Variants in DPH5 observed in about 807,000 individuals in gnomAD.
DPH5 encodes diphthamide biosynthesis 5, also known as diphthine methyl ester synthase.
A neutral mutation model predicts 31.6 loss-of-function variants in DPH5; 31 were observed. The observed-to-expected ratio is 0.98, with a 90% CI of 0.74 to 1.32. The LOEUF is 1.32. Ranked by LOEUF, DPH5 falls within the 40% of genes most tolerant of loss-of-function variation. The probability of loss-of-function intolerance (pLI) is 0.00; values close to 1 mark genes in which losing one functional copy is unlikely to be tolerated. For missense variants in DPH5, 309 were observed against 335.7 expected (o/e 0.92, Z 0.62); for synonymous variants, 120 against 115.0 (o/e 1.04, Z -0.28).
intron 2 of DPH5, among the ~76,000 whole-genome samples, chr1:101,022,498 G>A (rs1047830041): frequency 5.3e-5 from 8 of 152,108 alleles, no homozygotes; most frequent in African/African-American, 7.2e-5. Flanking sequence ...TAGTGGTTAC[G>A]GGCTATTATG....
At chr1:101,011,837 T>C (rs1438044964) in intron 4 of DPH5, among the ~76,000 whole-genome samples, 2 of 152,030 alleles carry the variant, frequency 1.3e-5, no homozygotes, top group Admixed American at 6.6e-5. Flanking sequence ...TTTACATATC[T>C]TTATTTATCA....
chr1:101,011,243 AC>A (rs1249014415), intron 4 of DPH5, among the ~76,000 whole-genome samples: 1 of 138,872 alleles, frequency 7.2e-6, no homozygotes, highest in African/African-American at 2.8e-5. Flanking sequence ...AAAAAACTGT[AC>A]AAAAATGAAT....
In DPH5 at chr1:100,992,639, G is replaced by C. The variant is rs1657868480; in HGVS notation, c.632C>G (p.Pro211Arg). 6.2e-7 allele frequency: 1 copy of C among 1,612,940 alleles called. No homozygotes were observed. ...VQNQRIRGEE[P>R]AVTEETLCVG... ...AGCCCTTCTAGTGTCTTGAGTACCTGGTTCTTCTCCTCGTATTCTTTGATT... is the reference window on the plus strand; with the variant it reads ...AGCCCTTCTAGTGTCTTGAGTACCTCGTTCTTCTCCTCGTATTCTTTGATT... The change falls in exon 7 of 8, where the codon CCA (proline) becomes CGA (arginine). Residue 211 changes from proline to arginine, a missense_variant and splice_region_variant. Physicochemically the swap from Pro to Arg is moderately radical, Grantham distance 103. Coordinates refer to ENST00000370109, the MANE Select transcript of DPH5 (RefSeq NM_015958.3).
chr1:100,992,519 A>C (rs1413246718), intron 7 of DPH5, 118 bp downstream of exon 7: 3 of 647,692 alleles, frequency 4.6e-6, no homozygotes, highest in Non-Finnish European at 7.4e-6. Context: ...GACAAGAAAT[A>C]GTACAATACA....
chr1:100,993,926 T>C (rs2101146260), intron 6 of DPH5, among the ~76,000 whole-genome samples: 1 of 151,984 alleles, frequency 6.6e-6, no homozygotes, highest in East Asian at 1.9e-4. Flanking sequence ...GTATTTTTAG[T>C]ACAGACGGGG....
At chr1:101,014,750 A>G (rs575573864) in intron 3 of DPH5, among the ~76,000 whole-genome samples, 152 of 152,332 alleles carry the variant, frequency 1.0e-3, no homozygotes, top group African/African-American at 3.5e-3. Flanking sequence ...ACTGGAGCCA[A>G]TCTTCTCAAA....
intron 5 of DPH5, among the ~76,000 whole-genome samples, chr1:101,000,330 C>T (rs1658760901): frequency 6.6e-6 from 1 of 152,084 alleles, no homozygotes; most frequent in African/African-American, 2.4e-5. Flanking sequence ...GATCTCAGGA[C>T]CAATGCCAGT....
At chr1:100,994,125 T>G (rs1271935955) in intron 6 of DPH5, among the ~76,000 whole-genome samples, 2 of 152,168 alleles carry the variant, frequency 1.3e-5, no homozygotes, top group African/African-American at 4.8e-5. Context: ...TTAAAGAGAT[T>G]GTTTTTATAT....
chr1:101,003,052 C>G (rs1277369168), intron 4 of DPH5, among the ~76,000 whole-genome samples: 1 of 152,160 alleles, frequency 6.6e-6, no homozygotes, highest in Admixed American at 6.5e-5. Context: ...AAGGTTTACT[C>G]CCAAAGTCCA....
intron 7 of DPH5, 44 bp from the exon 8 acceptor site, chr1:100,990,675 T>C (rs768723312): frequency 1.3e-6 from 2 of 1,570,616 alleles, no homozygotes; most frequent in African/African-American, 2.7e-5. Flanking sequence ...AGCAAATGCA[T>C]CATCCATCCA....
chr1:101,011,895 CTTTTTTT>C (rs11352737), intron 4 of DPH5, among the ~76,000 whole-genome samples: 19 of 108,156 alleles, frequency 1.8e-4, no homozygotes, highest in Non-Finnish European at 2.7e-4. Context: ...ATTATCAATT[CTTTTTTT>C]TTTTTTTTTT....
intron 4 of DPH5, among the ~76,000 whole-genome samples, chr1:101,006,095 TC>T (rs1189551055): frequency 1.3e-5 from 2 of 152,198 alleles, no homozygotes; most frequent in Non-Finnish European, 2.9e-5. Context: ...TTCTGAGGCC[TC>T]CCCAGCCATG....
At chr1:101,005,261 G>C (rs1473865969) in intron 4 of DPH5, among the ~76,000 whole-genome samples, 1 of 152,150 alleles carries the variant, frequency 6.6e-6, no homozygotes, top group Non-Finnish European at 1.5e-5. Flanking sequence ...ACTCTATTAA[G>C]CCCTGCAAGT....
chr1:101,014,602 T>C (rs950781622), intron 3 of DPH5, among the ~76,000 whole-genome samples: 4 of 152,134 alleles, frequency 2.6e-5, no homozygotes, highest in Non-Finnish European at 5.9e-5. Flanking sequence ...TTGCTAAAGA[T>C]GGGGGTGGCT....
chr1:101,024,634 G>C (rs1163523948), intron 2 of DPH5, among the ~76,000 whole-genome samples: 1 of 152,132 alleles, frequency 6.6e-6, no homozygotes, highest in African/African-American at 2.4e-5. Context: ...ATTCTACTTA[G>C]AGTTTGACAA....
intron 5 of DPH5, among the ~76,000 whole-genome samples, chr1:101,000,147 G>GA (rs917638379): frequency 2.6e-4 from 38 of 144,980 alleles, no homozygotes; most frequent in South Asian, 4.3e-4. Context: ...ACTCTGTCTT[G>GA]AAAAAAAAAA....
At chr1:101,011,953 T>G (rs575215888) in intron 4 of DPH5, among the ~76,000 whole-genome samples, 3 of 146,004 alleles carry the variant, frequency 2.1e-5, no homozygotes, top group Non-Finnish European at 3.0e-5. Flanking sequence ...CAGGCTGGAG[T>G]GCAATGGCGC....
At chr1:101,007,506 G>T (rs1470961427) in intron 4 of DPH5, among the ~76,000 whole-genome samples, 2 of 152,110 alleles carry the variant, frequency 1.3e-5, no homozygotes, top group Non-Finnish European at 1.5e-5. Flanking sequence ...GAGGTCAGGA[G>T]ATTGAGACCA....
Position 100,990,204 on chromosome 1 carries a change from A to C in DPH5, c.*204T>G. On this transcript the variant is annotated 3_prime_UTR_variant, in exon 8 of 8. Coordinates refer to ENST00000370109, the MANE Select transcript of DPH5 (RefSeq NM_015958.3). ...AGAGCCAGTAGGGGAAATGCCAGGC[A>C]CTTATAAAACCATCAGATCTCATGA... The C allele has an allele frequency of 1.8e-6, 1 of 563,386 alleles. No homozygotes were observed. The highest frequency in any genetic ancestry group is 3.1e-6 in the Non-Finnish European group (1 of 318,354). The allele number at this position is 563,386 out of a possible 1,614,324, so 34.9% of individuals were successfully genotyped here. A position where few individuals can be genotyped will look rare whatever the true frequency, so the allele number is the denominator to read the frequency against.
Sources: allele counts gnomAD v4.1 joint callset (sites outside exome capture counted in the v4.1 genomes callset), GRCh38; gene constraint gnomAD v4.1.1; transcripts MANE v1.5; gene names NCBI Gene and HGNC (gene_info 2026-07-23, HGNC 2026-07-21).